CNTNAP2: variants seen among roughly 807,000 people sequenced by gnomAD.
CNTNAP2 encodes contactin associated protein 2, also known as contactin-associated protein-like 2.
CNTNAP2 carries 98 observed loss-of-function variants against 155.2 expected under a neutral mutation model. The observed-to-expected ratio is 0.63, with a 90% confidence interval of 0.54 to 0.75. The LOEUF (loss-of-function observed/expected upper bound fraction) is 0.75, where lower values mean the gene tolerates loss of function less well. CNTNAP2 is among the 30% of genes least tolerant of loss of function. The pLI, the probability that CNTNAP2 is intolerant of heterozygous loss-of-function variation, is 0.00. For synonymous variants in CNTNAP2, 651 were observed against 631.2 expected (o/e 1.03, Z -0.47); for missense variants, 1,727 against 1,688.1 (o/e 1.02, Z -0.40).
chr7:146,907,397 A>G (rs2129215554), intron 3 of CNTNAP2, among the ~76,000 whole-genome samples: 1 of 149,116 alleles, frequency 6.7e-6, no homozygotes, highest in Admixed American at 6.7e-5. Context: ...GGGCAGCCAG[A>G]GAGAAAGGTC....
intron 9 of CNTNAP2, among the ~76,000 whole-genome samples, chr7:147,342,028 G>A (rs1795773146): frequency 6.6e-6 from 1 of 152,030 alleles, no homozygotes. Context: ...TCTTGATGAG[G>A]GTACTCTTCC....
intron 10 of CNTNAP2, among the ~76,000 whole-genome samples, chr7:147,459,847 C>T (rs187474544): frequency 6.6e-6 from 1 of 152,264 alleles, no homozygotes; most frequent in Admixed American, 6.5e-5. Context: ...TGGAAAATCA[C>T]TTGTTCCCAG....
At chr7:146,969,269 G>GA (rs1419389784) in intron 3 of CNTNAP2, among the ~76,000 whole-genome samples, 13 of 152,186 alleles carry the variant, frequency 8.5e-5, no homozygotes, top group Middle Eastern at 3.4e-3. Context: ...GTGTGGTGCT[G>GA]AAAAAAATGT....
chr7:147,365,436 A>G (rs1295595257), intron 9 of CNTNAP2, among the ~76,000 whole-genome samples: 1 of 151,466 alleles, frequency 6.6e-6, no homozygotes, highest in South Asian at 2.1e-4. Context: ...ATAGAAATAT[A>G]AAGTCGTTCC....
intron 1 of CNTNAP2, among the ~76,000 whole-genome samples, chr7:146,745,112 A>G (rs901198997): frequency 6.6e-6 from 1 of 152,172 alleles, no homozygotes; most frequent in Non-Finnish European, 1.5e-5. Context: ...ATATTAATAG[A>G]ATCATCCCAT....
chr7:147,927,756 A>C (rs1473398720), intron 14 of CNTNAP2, among the ~76,000 whole-genome samples: 1 of 152,220 alleles, frequency 6.6e-6, no homozygotes, highest in African/African-American at 2.4e-5. Flanking sequence ...TCCCTGGGTG[A>C]CTTTTTTCTC....
At chr7:146,875,475 T>C (rs1795399347) in intron 3 of CNTNAP2, among the ~76,000 whole-genome samples, 1 of 152,178 alleles carries the variant, frequency 6.6e-6, no homozygotes, top group East Asian at 1.9e-4. Flanking sequence ...GATGTAAATC[T>C]TTTTTGAAAG....
chr7:147,590,026 TG>T (rs1291466732), intron 12 of CNTNAP2, among the ~76,000 whole-genome samples: 2 of 152,178 alleles, frequency 1.3e-5, no homozygotes, highest in Non-Finnish European at 2.9e-5. Flanking sequence ...ACTCTGTCAT[TG>T]TAGGTAAAAG....
rs550675229 is a variant in CNTNAP2 at position 147,252,830 on chromosome 7, G to T, written c.1349-47311G>T. ...CAATTACTCTATGATGTAGGTACAAGAATTATCCCCATTTTATAGATGATA... is the reference window on the plus strand; with the variant it reads ...CAATTACTCTATGATGTAGGTACAATAATTATCCCCATTTTATAGATGATA... On this transcript the variant is annotated intron_variant, in intron 8 of 23. Coordinates refer to ENST00000361727, the MANE Select transcript of CNTNAP2 (RefSeq NM_014141.6). Among the ~76,000 whole-genome samples, 5 of 152,284 alleles carry T rather than the reference G, an allele frequency of 3.3e-5. No individual in the cohort carries two copies. The South Asian group carries it at 8.3e-4, about 25-fold the overall frequency.
chr7:147,014,725 G>A (rs1329122214), intron 3 of CNTNAP2, among the ~76,000 whole-genome samples: 1 of 152,128 alleles, frequency 6.6e-6, no homozygotes, highest in Non-Finnish European at 1.5e-5. Context: ...TTGGTGGAAA[G>A]GCGGTTAATC....
intron 1 of CNTNAP2, among the ~76,000 whole-genome samples, chr7:146,486,815 T>C (rs534369463): frequency 1.1e-4 from 16 of 152,224 alleles, no homozygotes; most frequent in African/African-American, 3.9e-4. Flanking sequence ...ATCGAAAGGT[T>C]CCTGTCTCAT....
chr7:146,521,601 T>C (rs1307436425), intron 1 of CNTNAP2, among the ~76,000 whole-genome samples: 25 of 152,014 alleles, frequency 1.6e-4, no homozygotes, highest in Non-Finnish European at 7.4e-5. Flanking sequence ...ACTCTGTCAC[T>C]ATGTTAAACA....
intron 1 of CNTNAP2, among the ~76,000 whole-genome samples, chr7:146,456,439 A>T (rs1796556385): frequency 6.6e-6 from 1 of 152,150 alleles, no homozygotes; most frequent in East Asian, 1.9e-4. Context: ...AAAGTTCCAG[A>T]TTCATCCAAA....
At chr7:147,415,671 A>T (rs1273079463) in intron 10 of CNTNAP2, among the ~76,000 whole-genome samples, 1 of 152,232 alleles carries the variant, frequency 6.6e-6, no homozygotes, top group Non-Finnish European at 1.5e-5. Context: ...TAGCAGTAAA[A>T]AAATGGACCA....
At chr7:148,182,215 T>G (rs2116705354) in intron 18 of CNTNAP2, among the ~76,000 whole-genome samples, 1 of 152,336 alleles carries the variant, frequency 6.6e-6, no homozygotes, top group Non-Finnish European at 1.5e-5. Flanking sequence ...ATAACACTCT[T>G]TATCTTTTCC....
intron 3 of CNTNAP2, among the ~76,000 whole-genome samples, chr7:146,870,382 G>T (rs1272428898): frequency 6.6e-6 from 1 of 152,106 alleles, no homozygotes. Flanking sequence ...AGTGATCCCA[G>T]TAGTTTCTGA....
At chr7:146,420,261 C>G (rs186757264) in intron 1 of CNTNAP2, among the ~76,000 whole-genome samples, 82 of 152,212 alleles carry the variant, frequency 5.4e-4, no homozygotes, top group African/African-American at 1.6e-3. Flanking sequence ...ATTGGAATCT[C>G]ACCTTCAAGC....
intron 15 of CNTNAP2, chr7:148,013,159 T>A (rs1333664195): frequency 6.6e-6 from 1 of 152,178 alleles, no homozygotes; most frequent in African/African-American, 2.4e-5. Flanking sequence ...CACACCAACA[T>A]GCTGACAATA....
intron 1 of CNTNAP2, among the ~76,000 whole-genome samples, chr7:146,310,621 AT>A (rs970789854): frequency 6.3e-4 from 96 of 152,132 alleles, no homozygotes; most frequent in African/African-American, 2.0e-3. Context: ...ACTAAGATTA[AT>A]TTTTTAATTG....
Sources: gnomAD v4.1 joint callset for allele counts (sites outside exome capture counted in the v4.1 genomes callset) on GRCh38, gnomAD v4.1.1 for gene constraint, MANE v1.5 for transcripts, NCBI Gene and HGNC (gene_info 2026-07-23, HGNC 2026-07-21) for gene names.